NCAN: variants seen among roughly 807,000 people sequenced by gnomAD.
NCAN encodes neurocan.
A neutral mutation model predicts 121.8 loss-of-function variants in NCAN; 47 were observed. That is an observed-to-expected ratio of 0.39 (90% CI 0.31 to 0.49). The LOEUF is 0.49. Ranked by LOEUF, NCAN falls within the 20% of genes least tolerant of loss-of-function variation. NCAN has a pLI of 0.92. For synonymous variants in NCAN, 633 were observed against 702.0 expected (o/e 0.90, Z 1.55); for missense variants, 1,517 against 1,773.4 (o/e 0.86, Z 2.60).
chr19:19,225,142 G>C lies in NCAN; in HGVS notation c.944G>C (p.Arg315Pro). 6.5e-7 allele frequency: 1 copy of C among 1,531,350 alleles called. No homozygotes were observed. The highest frequency in any genetic ancestry group is 8.7e-7 in the Non-Finnish European group (1 of 1,148,470). The allele number at this position is 1,531,350 out of a possible 1,614,324, so 94.9% of individuals were successfully genotyped here. Residue 315 changes from arginine to proline, a missense_variant, in exon 6 of 15, where the codon CGC (arginine) becomes CCC (proline). Arg to Pro is a moderately radical substitution (Grantham distance 103). Coordinates refer to ENST00000252575, the MANE Select transcript of NCAN (RefSeq NM_004386.3). The surrounding 1 kb of genome is among the most constrained non-coding windows in gnomAD (Gnocchi z 4.0). ...GGCTGGCTGGCCGACGGCAGCGTGC[G>C]CTACCCGATCCAGACGCCGCGCCGG... is the stretch of plus-strand genomic sequence containing the variant. ...DPGWLADGSV[R>P]YPIQTPRRRC...
At chr19:19,239,482 T>G (rs1037359642) in intron 11 of NCAN, among the ~76,000 whole-genome samples, 4 of 122,296 alleles carry the variant, frequency 3.3e-5, no homozygotes, top group African/African-American at 1.2e-4. Context: ...CCATTCTTTC[T>G]CCTCCTCCCT....
intron 11 of NCAN, among the ~76,000 whole-genome samples, chr19:19,239,207 G>A (rs760127601): frequency 6.6e-6 from 1 of 151,984 alleles, no homozygotes; most frequent in Non-Finnish European, 1.5e-5. Context: ...ACAAACCCTG[G>A]GATAGCCTGG....
In NCAN at chr19:19,226,901, G is replaced by A. The variant is rs755582039; in HGVS notation, c.1488G>A (p.Pro496=). 29 of 1,607,828 alleles carry A rather than the reference G, an allele frequency of 1.8e-5. No homozygotes were observed. Among genetic ancestry groups the A allele is most frequent in the African/African-American group, 2.7e-5 (2 of 74,986 alleles). The change falls in exon 7 of 15, where the codon CCG becomes CCA. Residue 496 remains proline (P), a synonymous_variant. Coordinates refer to ENST00000252575, the MANE Select transcript of NCAN (RefSeq NM_004386.3). ...LNGRYFQQQE[P]EPGLQGGMEA... ...GGCGCTACTTCCAGCAGCAGGAACC[G>A]GAGCCGGGGCTGCAAGGGGGGATGG...
intron 2 of NCAN, among the ~76,000 whole-genome samples, chr19:19,217,388 G>A (rs1040915359): frequency 6.6e-6 from 1 of 152,158 alleles, no homozygotes; most frequent in Non-Finnish European, 1.5e-5. Flanking sequence ...CCAGGTTTTA[G>A]AAATCCCTCA....
rs369232036 is a variant in NCAN at position 19,227,630 on chromosome 19, C to T, written c.2010C>T (p.Ser670=). ...AGGCCACCGCCACGGCTCCACCCTC[C>T]CCTGCTGCAGAGACCAAGGTGTATT... ...HGEATATAPP[S]PAAETKVYSL... is the part of the protein sequence containing the mutation. Residue 670 remains serine, a synonymous_variant, in exon 8 of 15, where the codon TCC becomes TCT. Coordinates refer to ENST00000252575, the MANE Select transcript of NCAN (RefSeq NM_004386.3). The surrounding 1 kb of genome is among the most constrained non-coding windows in gnomAD (Gnocchi z 4.2). 8 of 1,614,000 alleles carry T rather than the reference C, an allele frequency of 5.0e-6. No homozygotes were observed. Among genetic ancestry groups the T allele is most frequent in the African/African-American group, 1.3e-5 (1 of 75,048 alleles).
intron 10 of NCAN, among the ~76,000 whole-genome samples, chr19:19,236,178 A>G (rs946765821): frequency 6.6e-6 from 1 of 151,994 alleles, no homozygotes; most frequent in African/African-American, 2.4e-5. Flanking sequence ...GTCACTCCCT[A>G]TTCCCATTCC....
chr19:19,217,641 A>G (rs2060800623), intron 2 of NCAN, among the ~76,000 whole-genome samples: 1 of 152,210 alleles, frequency 6.6e-6, no homozygotes, highest in African/African-American at 2.4e-5. Flanking sequence ...TGCCTCTCCC[A>G]GGGCCATACA....
Position 19,227,976 on chromosome 19 carries a change from T to C in NCAN, c.2356T>C (p.Tyr786His), listed in dbSNP as rs1398702802. The C allele has an allele frequency of 6.2e-7, 1 of 1,613,402 alleles. No individual in the cohort carries two copies. Among genetic ancestry groups the C allele is most frequent in the Non-Finnish European group, 8.5e-7 (1 of 1,179,952 alleles). Residue 786 changes from tyrosine to histidine, a missense_variant, in exon 8 of 15, where the codon TAC becomes CAC. Transcript: ENST00000252575. This position sits in a 1 kb window ranked among gnomAD's most constrained non-coding sequence, Gnocchi z 4.2. The stretch of plus-strand genomic sequence containing the variant: ...GGTGCAGGACCCCTGGCCCTCAGTG[T>C]ACAGCAAAGGGCTGGATGCAAGTTC... ...DEVQDPWPSV[Y>H]SKGLDASSPS...
rs1355167806 is a variant in NCAN at position 19,238,192 on chromosome 19, CA to C, written c.3251-60del. 6.2e-6 allele frequency: 10 copies of C among 1,606,756 alleles called. No homozygotes were observed. The East Asian group carries it at 2.2e-4, about 36-fold the overall frequency. ...CTCTCTCTGGTGGGCTGGCTGTGCTCATGGCTGGTAGGCCTTGGGCCAAGGC... is the reference window on the plus strand; with the variant it reads ...CTCTCTCTGGTGGGCTGGCTGTGCTCTGGCTGGTAGGCCTTGGGCCAAGGC... On this transcript the variant is annotated intron_variant, in intron 10 of 14. Coordinates refer to ENST00000252575, the MANE Select transcript of NCAN (RefSeq NM_004386.3).
intron 12 of NCAN, among the ~76,000 whole-genome samples, chr19:19,242,510 TG>T (rs2060907032): frequency 6.6e-6 from 1 of 151,236 alleles, no homozygotes. Flanking sequence ...GCCAACATGG[TG>T]AAACCCTGTC....
At chr19:19,213,669 C>T (rs946194535) in intron 1 of NCAN, among the ~76,000 whole-genome samples, 1 of 151,962 alleles carries the variant, frequency 6.6e-6, no homozygotes, top group African/African-American at 2.4e-5. Flanking sequence ...TGTGTGTGTC[C>T]CGCTTGTGTA....
chr19:19,216,562 G>A (rs545866015), intron 1 of NCAN, among the ~76,000 whole-genome samples: 4 of 152,060 alleles, frequency 2.6e-5, no homozygotes, highest in South Asian at 2.1e-4. Flanking sequence ...CACCCTCCTC[G>A]GCCTCCCAAA....
At chr19:19,230,452 T>G in intron 8 of NCAN, among the ~76,000 whole-genome samples, 1 of 143,718 alleles carries the variant, frequency 7.0e-6, no homozygotes. Flanking sequence ...CACCTAGGCT[T>G]GAGTGCAGTG....
intron 2 of NCAN, among the ~76,000 whole-genome samples, chr19:19,217,263 A>G (rs1265018109): frequency 6.6e-6 from 1 of 152,204 alleles, no homozygotes; most frequent in Non-Finnish European, 1.5e-5. Context: ...TGCTCAGATG[A>G]ACTGGAGAGA....
chr19:19,225,326 C>A lies in NCAN; in HGVS notation c.1072+56C>A, dbSNP rs1010019834. 16 of 1,455,696 alleles carry A rather than the reference C, an allele frequency of 1.1e-5. No homozygotes were observed. Among genetic ancestry groups the A allele is most frequent in the Non-Finnish European group, 1.3e-5 (15 of 1,117,556 alleles). The allele number at this position is 1,455,696 out of a possible 1,614,324, so 90.2% of individuals were successfully genotyped here. ...AGGGCTTTCACTTTGGCGAAGGCCA[C>A]GTCCCTGAAAGCCTCGCCAAGCCAA... On this transcript the variant is annotated intron_variant, in intron 6 of 14. Coordinates refer to ENST00000252575, the MANE Select transcript of NCAN (RefSeq NM_004386.3). This position sits in a 1 kb window ranked among gnomAD's most constrained non-coding sequence, Gnocchi z 4.0.
At chr19:19,242,296 G>A (rs986081868) in intron 12 of NCAN, among the ~76,000 whole-genome samples, 1 of 152,204 alleles carries the variant, frequency 6.6e-6, no homozygotes, top group African/African-American at 2.4e-5. Flanking sequence ...GGCCAAAGTA[G>A]GAGGATCGCT....
chr19:19,219,768 T>A (rs1180838240), intron 3 of NCAN, among the ~76,000 whole-genome samples: 1 of 149,826 alleles, frequency 6.7e-6, no homozygotes, highest in Non-Finnish European at 1.5e-5. Flanking sequence ...ATGGTGCCTA[T>A]AATCTGAGCA....
At position 19,219,406 on chromosome 19, in the gene NCAN, T is replaced by G. The variant is rs897523752; in HGVS notation, c.475+90T>G. Reference sequence around the variant, plus strand: ...CACTGAATGTCACCTTAGAAATCACTCCCTGAGACCTGGCCTGGTGTCTCA... The same window carrying G: ...CACTGAATGTCACCTTAGAAATCACGCCCTGAGACCTGGCCTGGTGTCTCA... On this transcript the variant is annotated intron_variant, in intron 3 of 14. Transcript: ENST00000252575. 2.3e-6 allele frequency: 3 copies of G among 1,311,826 alleles called. No homozygotes were observed. The African/African-American group carries it at 4.5e-5, about 20-fold the overall frequency. 81.3% of individuals were successfully genotyped at this position (1,311,826 alleles called of 1,614,324 possible). A position where few individuals can be genotyped will look rare whatever the true frequency, so the allele number is the denominator to read the frequency against.
At chr19:19,222,013 G>A (rs190727386) in intron 3 of NCAN, among the ~76,000 whole-genome samples, 1 of 152,300 alleles carries the variant, frequency 6.6e-6, no homozygotes, top group Non-Finnish European at 1.5e-5. Context: ...GTGGACTCCT[G>A]CTGGGAAACC....
Sources: gnomAD v4.1 joint callset for allele counts (sites outside exome capture counted in the v4.1 genomes callset) on GRCh38, gnomAD v4.1.1 for gene constraint, Gnocchi (gnomAD v3.1) non-coding constraint, MANE v1.5 for transcripts, NCBI Gene and HGNC (gene_info 2026-07-23, HGNC 2026-07-21) for gene names.